Variants in EEF1D observed in about 807,000 individuals in gnomAD.
EEF1D encodes the protein eukaryotic translation elongation factor 1 delta, also known as elongation factor 1-delta.
A neutral mutation model predicts 63.9 loss-of-function variants in EEF1D; 47 were observed. That is an observed-to-expected ratio of 0.74 (90% confidence interval 0.58 to 0.94). The LOEUF (loss-of-function observed/expected upper bound fraction) is 0.94, where lower values mean the gene tolerates loss of function less well. Among genes scored for constraint, EEF1D ranks in the 40% least tolerant of loss-of-function variants. The pLI, the probability that EEF1D is intolerant of heterozygous loss-of-function variation, is 0.00. For synonymous variants in EEF1D, 412 were observed against 386.1 expected (o/e 1.07, Z -0.79); for missense variants, 907 against 899.0 (o/e 1.01, Z -0.11).
At chr8:143,590,161 C>A (rs1384442576) in intron 2 of EEF1D, 80 bp from the exon 3 acceptor site, 2 of 1,576,248 alleles carry the variant, frequency 1.3e-6, no homozygotes, top group Admixed American at 1.7e-5. Context: ...GCCCACCCTC[C>A]CCGTGCCCGC....
chr8:143,589,706 G>A lies in EEF1D; in HGVS notation c.376C>T (p.Arg126Cys), dbSNP rs568697177. 7.0e-5 allele frequency: 107 copies of A among 1,525,572 alleles called. No individual in the cohort carries two copies. The highest frequency in any genetic ancestry group is 7.9e-5 in the Non-Finnish European group (90 of 1,136,104). 94.5% of individuals were successfully genotyped at this position (1,525,572 alleles called of 1,614,324 possible). A position where few individuals can be genotyped will look rare whatever the true frequency, so the allele number is the denominator to read the frequency against. The part of the protein sequence containing the change: ...SLFDQAESSY[R>C]QKLADVAAQA... ...GCAGCCACATCTGCCAGCTTCTGGC[G>A]GTAGGAGCTCTCTGCCTGGTCGAAA... The change falls in exon 3 of 10, where the codon CGC becomes TGC. Residue 126 changes from arginine (R) to cysteine (C), a missense_variant. By Grantham distance (180) the Arg-to-Cys change is radical. Transcript: ENST00000618139.
intron 3 of EEF1D, among the ~76,000 whole-genome samples, chr8:143,588,389 C>A (rs894398561): frequency 3.9e-5 from 6 of 152,238 alleles, no homozygotes; most frequent in Admixed American, 3.9e-4. Context: ...TGGGGTTGCA[C>A]CTGCACCCTG....
rs967983183 is a variant in EEF1D at position 143,580,643 on chromosome 8, G to A, written c.1573C>T (p.Leu525=). 1.2e-6 allele frequency: 2 copies of A among 1,613,966 alleles called. No individual in the cohort carries two copies. Among genetic ancestry groups the A allele is most frequent in the African/African-American group, 1.3e-5 (1 of 75,058 alleles). The part of the protein sequence containing the change: ...AEDDEDDDID[L]FGSDNEEEDK... ...TCCTCCTCATTGTCACTGCCAAACAGGTCAATGTCATCATCCTCGTCATCC... is the reference window on the plus strand; with the variant it reads ...TCCTCCTCATTGTCACTGCCAAACAAGTCAATGTCATCATCCTCGTCATCC... Residue 525 remains leucine (L), a synonymous_variant, in exon 8 of 10, where the codon CTG becomes TTG. Coordinates refer to ENST00000618139, the MANE Select transcript of EEF1D (RefSeq NM_001130053.5).
chr8:143,580,303 A>G lies in EEF1D; in HGVS notation c.1711-97T>C. 5 of 1,359,898 alleles carry G rather than the reference A, an allele frequency of 3.7e-6. No homozygotes were observed. The South Asian group carries it at 5.5e-5, about 15-fold the overall frequency. 84.2% of individuals were successfully genotyped at this position (1,359,898 alleles called of 1,614,324 possible). ...TACCCTCAACCACTGTGTGTCCACA[A>G]TTCTGTTTCCTTAAAGGGCCCACAG... On this transcript the variant is annotated intron_variant, in intron 8 of 9. Transcript: ENST00000618139.
Position 143,589,902 on chromosome 8 carries a change from A to C in EEF1D, c.180T>G (p.Ala60=). 1 of 1,597,824 alleles carries C rather than the reference A, an allele frequency of 6.3e-7. No individual in the cohort carries two copies. The highest frequency in any genetic ancestry group is 1.3e-5 in the African/African-American group (1 of 74,838). The change falls in exon 3 of 10, where the codon GCT becomes GCG. Residue 60 remains alanine (A), a synonymous_variant. Transcript: ENST00000618139. ...CGCCGTCAGGGGCTTCCGCCTCATC[A>C]GCGTCCTCAGGGTCGTCCTGGCCGG... ...NGPGQDDPED[A]DEAEAPDGGS...
intron 3 of EEF1D, chr8:143,587,285 A>C (rs764163299): frequency 6.5e-6 from 1 of 153,318 alleles, no homozygotes; most frequent in Non-Finnish European, 1.5e-5. Context: ...ATATGTAACA[A>C]GTTTCTTCAA....
At chr8:143,584,945 T>A (rs1826281606) in intron 5 of EEF1D, among the ~76,000 whole-genome samples, 1 of 152,174 alleles carries the variant, frequency 6.6e-6, no homozygotes, top group African/African-American at 2.4e-5. Context: ...CCAGTTTCAC[T>A]GGTCCACAGA....
At chr8:143,585,452 C>T (rs1052549189) in intron 5 of EEF1D, among the ~76,000 whole-genome samples, 4 of 152,184 alleles carry the variant, frequency 2.6e-5, no homozygotes, top group African/African-American at 7.2e-5. Context: ...GGGACAGCCT[C>T]GTGAGACACA....
intron 1 of EEF1D, among the ~76,000 whole-genome samples, chr8:143,593,519 G>A (rs1035562478): frequency 3.3e-5 from 5 of 152,160 alleles, no homozygotes; most frequent in Admixed American, 6.5e-5. Context: ...CTTCACCAAC[G>A]GGAGCTCCGG....
chr8:143,589,365 A>T lies in EEF1D; in HGVS notation c.717T>A (p.Tyr239Ter). Residue 239 changes from tyrosine to a stop codon, truncating the protein, a stop_gained, in exon 3 of 10, where the codon TAT becomes TAA. Coordinates refer to ENST00000618139, the MANE Select transcript of EEF1D (RefSeq NM_001130053.5). LOFTEE classifies it high-confidence loss of function. ...CGTAGAAGCCCCTCTCGGCTGCATC[A>T]TACCGGGGCTTCTCCAGCCACACCT... ...VREVWLEKPR[Y>*]DAAERGFYEA... The T allele has an allele frequency of 6.4e-7, 1 of 1,558,024 alleles. No individual in the cohort carries two copies. The highest frequency in any genetic ancestry group is 8.7e-7 in the Non-Finnish European group (1 of 1,148,164).
chr8:143,590,698 A>G (rs898295760), intron 2 of EEF1D: 6 of 380,644 alleles, frequency 1.6e-5, no homozygotes, highest in Non-Finnish European at 2.2e-5. Flanking sequence ...GGGTCTGGAG[A>G]CTGAGACCAT....
At position 143,580,661 on chromosome 8, in the gene EEF1D, C is replaced by G. The variant is rs753684848; in HGVS notation, c.1555G>C (p.Glu519Gln). The change falls in exon 8 of 10, where the codon GAG becomes CAG. Residue 519 changes from glutamate (E) to glutamine (Q), a missense_variant. Glu to Gln is a conservative substitution (Grantham distance 29). Transcript: ENST00000618139. ...KKPATPAEDD[E>Q]DDDIDLFGSD... ...CCAAACAGGTCAATGTCATCATCCT[C>G]GTCATCCTCTGCTGGTGTGGCTGGC... 6.2e-7 allele frequency: 1 copy of G among 1,613,858 alleles called. No individual in the cohort carries two copies. Among genetic ancestry groups the G allele is most frequent in the African/African-American group, 1.3e-5 (1 of 74,934 alleles).
rs1302208755 is a variant in EEF1D, at chr8:143,580,159, A to G, written c.1758T>C (p.Ser586=). 1.2e-6 allele frequency: 2 copies of G among 1,613,776 alleles called. No homozygotes were observed. Among genetic ancestry groups the G allele is most frequent in the Admixed American group, 3.3e-5 (2 of 60,004 alleles). Reference sequence around the variant, plus strand: ...CCCAGACCAGCCCGTCCAGCTGGATAGAGCGCACACAGGCCTCCAGCTGGG... The same window carrying G: ...CCCAGACCAGCCCGTCCAGCTGGATGGAGCGCACACAGGCCTCCAGCTGGG... ...DMAQLEACVR[S]IQLDGLVWGA... is the part of the protein sequence containing the mutation. Residue 586 remains serine, a synonymous_variant, in exon 9 of 10, where the codon TCT becomes TCC. Coordinates refer to ENST00000618139, the MANE Select transcript of EEF1D (RefSeq NM_001130053.5).
rs755911229 is a variant in EEF1D, at chr8:143,589,845, G to C, written c.237C>G (p.Asp79Glu). 1.2e-6 allele frequency: 2 copies of C among 1,604,516 alleles called. No homozygotes were observed. The highest frequency in any genetic ancestry group is 1.7e-5 in the Admixed American group (1 of 59,506). ...TCTTTTTCTGCAGGGGCTTCCTGCT[G>C]TCCTGGCTCTTCCTGGGATCACGCC... is the stretch of plus-strand genomic sequence containing the variant. ...GSRRDPRKSQ[D>E]SRKPLQKKRK... The change falls in exon 3 of 10, where the codon GAC (aspartate) becomes GAG (glutamate). Residue 79 changes from aspartate to glutamate, a missense_variant. Physicochemically the swap from Asp to Glu is conservative, Grantham distance 45. Transcript: ENST00000618139.
chr8:143,592,515 A>C, intron 2 of EEF1D, 132 bp downstream of exon 2: 1 of 850,074 alleles, frequency 1.2e-6, no homozygotes, highest in Non-Finnish European at 1.4e-6. Flanking sequence ...CACTTTCCAG[A>C]TGGGAAACTG....
Position 143,580,552 on chromosome 8 carries a change from T to A in EEF1D, c.1664A>T (p.Lys555Met), listed in dbSNP as rs772397116. 2 of 1,613,126 alleles carry A rather than the reference T, an allele frequency of 1.2e-6. No homozygotes were observed. The highest frequency in any genetic ancestry group is 3.3e-5 in the Admixed American group (2 of 60,024). Residue 555 changes from lysine to methionine, a missense_variant, in exon 8 of 10, where the codon AAG becomes ATG. Lys to Met is a moderately conservative substitution (Grantham distance 95). Coordinates refer to ENST00000618139, the MANE Select transcript of EEF1D (RefSeq NM_001130053.5). Reference sequence around the variant, plus strand: ...GGAGGACTTGGCCACCAGTGCAGGCTTCTTGGCCTTCTTCTCCGCGTACTG... The same window carrying A: ...GGAGGACTTGGCCACCAGTGCAGGCATCTTGGCCTTCTTCTCCGCGTACTG... ...LRQYAEKKAK[K>M]PALVAKSSIL...
intron 5 of EEF1D, chr8:143,582,801 C>A (rs1825810329): frequency 6.6e-6 from 1 of 152,234 alleles, no homozygotes; most frequent in Non-Finnish European, 1.5e-5. Context: ...GCTCAGGTCA[C>A]CCAGTGCAGT....
At chr8:143,587,999 A>G (rs993243167) in intron 3 of EEF1D, among the ~76,000 whole-genome samples, 1 of 152,120 alleles carries the variant, frequency 6.6e-6, no homozygotes, top group African/African-American at 2.4e-5. Flanking sequence ...GACCTTGCCA[A>G]GTGTCCTCTC....
At chr8:143,586,708 C>T (rs772394998) in intron 4 of EEF1D, 21 bp downstream of exon 4, 24 of 1,609,476 alleles carry the variant, frequency 1.5e-5, no homozygotes, top group South Asian at 8.8e-5. Context: ...GCCGCCCAGC[C>T]GCCCCACGTG....
Sources: gnomAD v4.1 joint callset for allele counts (sites outside exome capture counted in the v4.1 genomes callset) on GRCh38, gnomAD v4.1.1 for gene constraint, MANE v1.5 for transcripts, NCBI Gene and HGNC (gene_info 2026-07-23, HGNC 2026-07-21) for gene names.